The following IL19 variants were observed in gnomAD, a reference collection of about 807,000 sequenced individuals.
IL19 encodes interleukin 19.
In IL19, 15 loss-of-function variants were observed where a neutral mutation model predicts 19.5. That is an observed-to-expected ratio of 0.77 (90% CI 0.52 to 1.19). The LOEUF is 1.19. Among genes scored for constraint, IL19 ranks in the 50% most tolerant of loss-of-function variants. The probability of loss-of-function intolerance (pLI) is 0.00; values close to 1 mark genes in which losing one functional copy is unlikely to be tolerated. For missense variants in IL19, 199 were observed against 213.1 expected, an observed-to-expected ratio of 0.93 and a Z score of 0.41; for synonymous variants, 78 against 78.3, an observed-to-expected ratio of 1.00 and a Z score of 0.02.
intron 4 of IL19, among the ~76,000 whole-genome samples, chr1:206,838,460 G>A (rs1021146090): frequency 2.0e-5 from 3 of 152,206 alleles, no homozygotes; most frequent in Admixed American, 6.5e-5. Context: ...GTGAAGAGAT[G>A]TAGCCACTTA....
At chr1:206,821,624 C>T (rs1055087766) in intron 2 of IL19, among the ~76,000 whole-genome samples, 1 of 152,166 alleles carries the variant, frequency 6.6e-6, no homozygotes, top group East Asian at 1.9e-4. Context: ...AGGCTCAGTC[C>T]CTGCTCTAGC....
chr1:206,805,945 C>T lies in IL19; in HGVS notation c.-3+6939C>T, dbSNP rs1455056462. 2.6e-5 allele frequency among the ~76,000 whole-genome samples: 4 copies of T among 152,228 alleles called. No individual in the cohort carries two copies. The East Asian group carries it at 5.8e-4, about 22-fold the overall frequency. On this transcript the variant is annotated intron_variant, in intron 2 of 6. Coordinates refer to ENST00000659997, the MANE Select transcript of IL19 (RefSeq NM_153758.5). ...AGGGTTCACTAGGAATCCATCCCTG[C>T]TGCTCTTGCTTTTTTCTGGGTTGCC...
chr1:206,773,586 T>TGTGTG (rs1674916451), intron 1 of IL19, among the ~76,000 whole-genome samples: 4 of 131,780 alleles, frequency 3.0e-5, no homozygotes, highest in African/African-American at 5.8e-5. Flanking sequence ...TGTCTTGGAT[T>TGTGTG]TGTGTGTGTG....
intron 2 of IL19, among the ~76,000 whole-genome samples, chr1:206,825,248 T>C (rs1490788282): frequency 2.0e-5 from 3 of 152,212 alleles, no homozygotes; most frequent in African/African-American, 7.2e-5. Context: ...ACTCTTTCTG[T>C]ATTTAAACAT....
intron 1 of IL19, among the ~76,000 whole-genome samples, chr1:206,788,844 T>A (rs1187224633): frequency 6.6e-6 from 1 of 152,216 alleles, no homozygotes; most frequent in Non-Finnish European, 1.5e-5. Context: ...TCCAGAAAGT[T>A]GAGGATGACA....
In IL19 at chr1:206,770,970, G is replaced by C. The variant is rs1486622571; in HGVS notation, c.-257G>C. 1 of 1,614,124 alleles carries C rather than the reference G, an allele frequency of 6.2e-7. No homozygotes were observed. The highest frequency in any genetic ancestry group is 1.1e-5 in the South Asian group (1 of 91,078). On this transcript the variant is annotated 5_prime_UTR_variant, in exon 1 of 7. Coordinates refer to ENST00000659997, the MANE Select transcript of IL19 (RefSeq NM_153758.5). ...CCCCCAGGGAGTTCACATGCGCCTT[G>C]ATGTCTGGGTCTTGGTTCTCAGCTT... is the stretch of plus-strand genomic sequence containing the variant.
chr1:206,835,949 G>A (rs1676777067), intron 2 of IL19, among the ~76,000 whole-genome samples: 2 of 152,250 alleles, frequency 1.3e-5, no homozygotes, highest in African/African-American at 2.4e-5. Flanking sequence ...CTCAGGGTCT[G>A]GCCCTGGCTA....
chr1:206,809,084 A>C (rs1675933609), intron 2 of IL19, among the ~76,000 whole-genome samples: 1 of 152,166 alleles, frequency 6.6e-6, no homozygotes, highest in Non-Finnish European at 1.5e-5. Context: ...GTATATGTTG[A>C]TCATGATGTC....
chr1:206,793,752 T>C (rs931582526), intron 1 of IL19, among the ~76,000 whole-genome samples: 2 of 152,248 alleles, frequency 1.3e-5, no homozygotes, highest in Non-Finnish European at 2.9e-5. Context: ...TCTGAACCTC[T>C]AACGCCACTC....
chr1:206,821,385 T>C (rs1249275597), intron 2 of IL19, among the ~76,000 whole-genome samples: 2 of 152,262 alleles, frequency 1.3e-5, no homozygotes, highest in East Asian at 3.8e-4. Flanking sequence ...GTAGGCGCCA[T>C]ATAAGCATTT....
chr1:206,784,345 G>A (rs1230842245), intron 1 of IL19, among the ~76,000 whole-genome samples: 4 of 152,076 alleles, frequency 2.6e-5, no homozygotes, highest in African/African-American at 9.7e-5. Flanking sequence ...AGGAGCGAGC[G>A]AACATGAGTG....
chr1:206,796,699 C>T (rs1675534399), intron 1 of IL19, among the ~76,000 whole-genome samples: 2 of 152,194 alleles, frequency 1.3e-5, no homozygotes, highest in South Asian at 4.1e-4. Flanking sequence ...GAGCAATAGG[C>T]CTTACTGTAT....
chr1:206,773,394 G>T (rs184553063), intron 1 of IL19, among the ~76,000 whole-genome samples: 4 of 152,238 alleles, frequency 2.6e-5, no homozygotes, highest in Non-Finnish European at 1.5e-5. Flanking sequence ...GGATTAAATT[G>T]GCCTTAGAGT....
intron 1 of IL19, among the ~76,000 whole-genome samples, chr1:206,775,923 T>C (rs1189731065): frequency 1.3e-5 from 2 of 152,246 alleles, no homozygotes; most frequent in African/African-American, 4.8e-5. Context: ...TCTCACACTG[T>C]GAGCTTCTTG....
chr1:206,835,906 A>G (rs534736599), intron 2 of IL19, among the ~76,000 whole-genome samples: 58 of 152,250 alleles, frequency 3.8e-4, no homozygotes, highest in Non-Finnish European at 7.6e-4. Context: ...CAGAGGCAAG[A>G]AGGGTAAGAG....
intron 4 of IL19, among the ~76,000 whole-genome samples, chr1:206,837,281 T>C (rs2073186): frequency 0.69 from 104,909 of 151,922 alleles, 37,038 homozygotes; most frequent in Non-Finnish European, 0.77. Flanking sequence ...ACAGGATTTC[T>C]GTGGCTTGGG....
rs142409439 is a variant in IL19 at position 206,810,990 on chromosome 1, A to G, written c.-3+11984A>G. Among the ~76,000 whole-genome samples the G allele has an allele frequency of 9.7e-3, 1,475 of 152,324 alleles. 28 individuals are homozygous for G. The highest frequency in any genetic ancestry group is 0.034 in the African/African-American group (1,399 of 41,562). On this transcript the variant is annotated intron_variant, in intron 2 of 6. Coordinates refer to ENST00000659997, the MANE Select transcript of IL19 (RefSeq NM_153758.5). ...GATTCTTCCTGGATCCCTCACCAGA[A>G]GCAGATGCCAGTGCAATGCTTCTTG... is the stretch of plus-strand genomic sequence containing the variant.
intron 1 of IL19, among the ~76,000 whole-genome samples, chr1:206,780,058 C>T (rs1455994270): frequency 6.6e-6 from 1 of 152,174 alleles, no homozygotes; most frequent in Non-Finnish European, 1.5e-5. Flanking sequence ...CTCCTCCTGT[C>T]TTCATCCTTC....
intron 2 of IL19, among the ~76,000 whole-genome samples, chr1:206,822,678 G>T (rs1676317120): frequency 6.6e-6 from 1 of 152,186 alleles, no homozygotes; most frequent in South Asian, 2.1e-4. Context: ...GTCTTGACTG[G>T]TAAGAGTGAT....
Sources: allele counts gnomAD v4.1 joint callset (sites outside exome capture counted in the v4.1 genomes callset), GRCh38; gene constraint gnomAD v4.1.1; transcripts MANE v1.5; gene names NCBI Gene and HGNC (gene_info 2026-07-23, HGNC 2026-07-21).